Variants in CC2D2B observed in about 807,000 individuals in gnomAD.
The protein encoded by CC2D2B is coiled-coil and C2 domain containing 2B.
In CC2D2B, 128 loss-of-function variants were observed where a neutral mutation model predicts 161.2. The observed-to-expected ratio is 0.79, with a 90% CI of 0.69 to 0.92. The LOEUF is 0.92. CC2D2B is among the 40% of genes least tolerant of loss of function. The pLI, the probability that CC2D2B is intolerant of heterozygous loss-of-function variation, is 0.00. For missense variants in CC2D2B, 1,173 were observed against 1,375.1 expected, an observed-to-expected ratio of 0.85 and a Z score of 2.32; for synonymous variants, 391 against 449.8, an observed-to-expected ratio of 0.87 and a Z score of 1.65.
chr10:95,986,020 G>C (rs568313927), intron 19 of CC2D2B, among the ~76,000 whole-genome samples: 2 of 151,966 alleles, frequency 1.3e-5, no homozygotes, highest in Non-Finnish European at 1.5e-5. Context: ...ATGACAATGC[G>C]TGCCCAAAAC....
chr10:96,023,796 T>C (rs569785094), intron 32 of CC2D2B, among the ~76,000 whole-genome samples: 1 of 152,358 alleles, frequency 6.6e-6, no homozygotes, highest in African/African-American at 2.4e-5. Flanking sequence ...GGGGAGCTTG[T>C]TGAAACACAG....
chr10:96,015,231 A>ATTTTTTTTTTT (rs58739011), intron 29 of CC2D2B, among the ~76,000 whole-genome samples: 201 of 111,172 alleles, frequency 1.8e-3, no homozygotes, highest in East Asian at 5.7e-3. Context: ...GGCCCAGCTA[A>ATTTTTTTTTTT]TTTTTTTTTT....
At position 96,033,068 on chromosome 10, in the gene CC2D2B, C is replaced by A. The variant is rs1012229348; in HGVS notation, c.*1060C>A. ...AAATAACTTATCAAAAAGAAATAAT[C>A]AAGGAGTATGGATTTCCAAAGGTTG... On this transcript the variant is annotated 3_prime_UTR_variant, in exon 35 of 35. Transcript: ENST00000646931. Among the ~76,000 whole-genome samples, 3 of 152,120 alleles carry A rather than the reference C, an allele frequency of 2.0e-5. No individual in the cohort carries two copies. Among genetic ancestry groups the A allele is most frequent in the African/African-American group, 4.8e-5 (2 of 41,428 alleles).
At chr10:96,025,473 T>C (rs2079731558) in intron 33 of CC2D2B, among the ~76,000 whole-genome samples, 1 of 151,272 alleles carries the variant, frequency 6.6e-6, no homozygotes, top group Non-Finnish European at 1.5e-5. Flanking sequence ...ACAGACTAAG[T>C]TAACTCTGGA....
rs754611503 is a variant in CC2D2B, at chr10:96,027,243, G to T, written c.3979G>T (p.Glu1327Ter). 1.3e-6 allele frequency: 2 copies of T among 1,546,678 alleles called. No individual in the cohort carries two copies. Among genetic ancestry groups the T allele is most frequent in the South Asian group, 2.4e-5 (2 of 82,748 alleles). Residue 1327 changes from glutamate to a stop codon, truncating the protein, a stop_gained, in exon 34 of 35, where the codon GAA becomes TAA. Transcript: ENST00000646931. LOFTEE classifies it high-confidence loss of function. ...IERTLKSKVM[E>*]WRPKHPTHWN... ...AAGGACTCTGAAGAGTAAAGTGATGGAATGGCGACCTAAACACCCAACACA... is the reference window on the plus strand; with the variant it reads ...AAGGACTCTGAAGAGTAAAGTGATGTAATGGCGACCTAAACACCCAACACA...
intron 1 of CC2D2B, among the ~76,000 whole-genome samples, chr10:95,910,661 A>G (rs1407547384): frequency 5.3e-5 from 8 of 152,224 alleles, no homozygotes; most frequent in Admixed American, 2.6e-4. Flanking sequence ...CAAACATCCA[A>G]ATAGATCTCT....
At chr10:96,030,432 T>C (rs935245071) in intron 34 of CC2D2B, among the ~76,000 whole-genome samples, 18 of 152,062 alleles carry the variant, frequency 1.2e-4, no homozygotes, top group Non-Finnish European at 2.9e-5. Flanking sequence ...GTGAGACTCC[T>C]TCCCCTTACC....
At chr10:95,944,539 T>A (rs1043432344) in intron 9 of CC2D2B, among the ~76,000 whole-genome samples, 4 of 152,208 alleles carry the variant, frequency 2.6e-5, no homozygotes, top group African/African-American at 9.7e-5. Context: ...GCAGAGATAT[T>A]TTGGTGTAAT....
intron 20 of CC2D2B, among the ~76,000 whole-genome samples, chr10:95,990,704 G>A (rs1435677810): frequency 6.6e-6 from 1 of 152,196 alleles, no homozygotes; most frequent in Non-Finnish European, 1.5e-5. Context: ...TGACAGGACA[G>A]AAAGCAGAAA....
At position 95,990,339 on chromosome 10, in the gene CC2D2B, T is replaced by A. The variant is rs1475554366; in HGVS notation, c.2380-1031T>A. Reference sequence around the variant, plus strand: ...AAGAATCCGGTAAGAAGGTAACACTTCTGCAAAAGACCTAAAGGAGACAAG... The same window carrying A: ...AAGAATCCGGTAAGAAGGTAACACTACTGCAAAAGACCTAAAGGAGACAAG... On this transcript the variant is annotated intron_variant, in intron 20 of 34. Transcript: ENST00000646931. 2.0e-5 allele frequency among the ~76,000 whole-genome samples: 3 copies of A among 152,210 alleles called. No individual in the cohort carries two copies. In the East Asian group the frequency reaches 5.8e-4, roughly 29 times the overall value.
intron 15 of CC2D2B, among the ~76,000 whole-genome samples, chr10:95,969,512 T>A (rs2077049527): frequency 6.6e-6 from 1 of 151,560 alleles, no homozygotes; most frequent in Non-Finnish European, 1.5e-5. Flanking sequence ...AAAGCTAGAC[T>A]TGAAAAAAAA....
chr10:95,954,302 C>T (rs187047868), intron 10 of CC2D2B, among the ~76,000 whole-genome samples: 1 of 152,038 alleles, frequency 6.6e-6, no homozygotes, highest in Non-Finnish European at 1.5e-5. Context: ...TGTGTCTCAG[C>T]TAAGACTGGG....
rs934515423 is a variant in CC2D2B at position 95,999,924 on chromosome 10, T to A, written c.2849+3672T>A. ...TGGCTTCTTTTTCTGATCATTTTCC[T>A]TCACGTGTTTCGGGAAGCTATCTCA... On this transcript the variant is annotated intron_variant, in intron 24 of 34. Transcript: ENST00000646931. The A allele has an allele frequency of 3.8e-5, 20 of 519,510 alleles. No homozygotes were observed. In the Admixed American group the frequency reaches 4.9e-4, roughly 13 times the overall value. 32.2% of individuals were successfully genotyped at this position (519,510 alleles called of 1,614,324 possible).
Position 95,925,642 on chromosome 10 carries a change from A to G in CC2D2B, c.240+798A>G, listed in dbSNP as rs982707078. ...CAAGCTAAGTAGCTGTAACAAAAAG[A>G]TTCAAAGTAAAGTGTTTTCATTAAG... On this transcript the variant is annotated intron_variant, in intron 5 of 34. Transcript: ENST00000646931. Among the ~76,000 whole-genome samples, 24 of 152,228 alleles carry G rather than the reference A, an allele frequency of 1.6e-4. No individual in the cohort carries two copies. In the East Asian group the frequency reaches 2.7e-3, roughly 17 times the overall value.
chr10:95,908,038 A>G lies in CC2D2B; in HGVS notation c.-43A>G, dbSNP rs2098499061. On this transcript the variant is annotated 5_prime_UTR_variant, in exon 1 of 35. Coordinates refer to ENST00000646931, the MANE Select transcript of CC2D2B (RefSeq NM_001349008.3). The stretch of plus-strand genomic sequence containing the variant: ...CTGCCTTCCCTGCCCAGACGTAAGA[A>G]AAGTGCACTGTCCGTCCAGGTGAAT... 2 of 152,316 alleles carry G rather than the reference A, an allele frequency of 1.3e-5. No individual in the cohort carries two copies. Among genetic ancestry groups the G allele is most frequent in the African/African-American group, 2.4e-5 (1 of 41,460 alleles). 9.4% of individuals were successfully genotyped at this position (152,316 alleles called of 1,614,324 possible). A position where few individuals can be genotyped will look rare whatever the true frequency, so the allele number is the denominator to read the frequency against.
chr10:95,909,343 T>A (rs779552019), intron 1 of CC2D2B, among the ~76,000 whole-genome samples: 1 of 152,234 alleles, frequency 6.6e-6, no homozygotes, highest in Non-Finnish European at 1.5e-5. Context: ...ATTTAATAGA[T>A]TATTTTTACA....
Position 95,992,593 on chromosome 10 carries a change from AAG to A in CC2D2B, c.2539_2540del (p.Arg847GlufsTer10). 8.1e-7 allele frequency: 1 copy of A among 1,234,316 alleles called. No homozygotes were observed. Among genetic ancestry groups the A allele is most frequent in the Non-Finnish European group, 1.0e-6 (1 of 988,094 alleles). 76.5% of individuals were successfully genotyped at this position (1,234,316 alleles called of 1,614,324 possible). A position where few individuals can be genotyped will look rare whatever the true frequency, so the allele number is the denominator to read the frequency against. Reference sequence around the variant, plus strand: ...GAAAGTTAAAACCTCAGAGGAAAGAAAGGAAAAAAGTCACAGCGCAGGCGATC... The same window carrying A: ...GAAAGTTAAAACCTCAGAGGAAAGAAGAAAAAAGTCACAGCGCAGGCGATC... ...RRKLKPQRKE[R>X]KKVTAQAISD... On this transcript the variant is annotated frameshift_variant, in exon 22 of 35. Transcript: ENST00000646931. LOFTEE classifies it high-confidence loss of function.
intron 3 of CC2D2B, 137 bp from the exon 4 acceptor site, chr10:95,924,177 T>C (rs1210472978): frequency 8.3e-6 from 4 of 484,288 alleles, no homozygotes; most frequent in Non-Finnish European, 1.5e-5. Flanking sequence ...TCTCATAAGA[T>C]AATAACCTAG....
intron 30 of CC2D2B, among the ~76,000 whole-genome samples, chr10:96,018,460 T>A (rs1219837108): frequency 1.3e-5 from 2 of 152,220 alleles, no homozygotes; most frequent in Non-Finnish European, 2.9e-5. Context: ...GTGTTCACCC[T>A]CAGTCTCCAA....
Sources: allele counts gnomAD v4.1 joint callset (sites outside exome capture counted in the v4.1 genomes callset), GRCh38; gene constraint gnomAD v4.1.1; transcripts MANE v1.5; gene names NCBI Gene and HGNC (gene_info 2026-07-23, HGNC 2026-07-21).